The following CSRNP3 variants were observed in gnomAD, a reference collection of about 807,000 sequenced individuals.
CSRNP3 encodes the protein cysteine and serine rich nuclear protein 3.
A neutral mutation model predicts 48.0 loss-of-function variants in CSRNP3; 12 were observed. That is an observed-to-expected ratio of 0.25 (90% CI 0.16 to 0.41). The LOEUF is 0.41. Among genes scored for constraint, CSRNP3 ranks in the 10% least tolerant of loss-of-function variants. The pLI is 1.00. For missense variants in CSRNP3, 580 were observed against 724.4 expected (o/e 0.80, Z 2.29); for synonymous variants, 263 against 269.7 (o/e 0.98, Z 0.24).
chr2:165,642,033 A>C lies in CSRNP3; in HGVS notation c.149-15728A>C, dbSNP rs1686729191. Among the ~76,000 whole-genome samples the C allele has an allele frequency of 2.0e-5, 3 of 152,096 alleles. No homozygotes were observed. In the South Asian group the frequency reaches 6.2e-4, roughly 31 times the overall value. ...AGCCCATGTCATGAGAGTAGCACAG[A>C]TAAAAGACAAACATAGACTCTTTGG... On this transcript the variant is annotated intron_variant, in intron 4 of 6. Transcript: ENST00000651982.
At chr2:165,593,896 A>ACATGAT (rs1394323327) in intron 3 of CSRNP3, among the ~76,000 whole-genome samples, 1 of 152,224 alleles carries the variant, frequency 6.6e-6, no homozygotes, top group Non-Finnish European at 1.5e-5. Context: ...TTGAGCACCT[A>ACATGAT]CATGATGCCA....
In CSRNP3 at chr2:165,470,450, A is replaced by C. The variant is rs79342822; in HGVS notation, c.-283+710A>C. Among the ~76,000 whole-genome samples, 1,113 of 152,246 alleles carry C rather than the reference A, an allele frequency of 7.3e-3. 19 individuals are homozygous for C. Among genetic ancestry groups the C allele is most frequent in the African/African-American group, 0.026 (1,066 of 41,570 alleles). On this transcript the variant is annotated intron_variant, in intron 1 of 6. Coordinates refer to ENST00000651982, the MANE Select transcript of CSRNP3 (RefSeq NM_001172173.2). ...CACAGAAACCTAATTTTGAAAGATTAAACATTGCTGTAAAAAATAGCATCT... is the reference window on the plus strand; with the variant it reads ...CACAGAAACCTAATTTTGAAAGATTCAACATTGCTGTAAAAAATAGCATCT...
chr2:165,560,083 G>C (rs1685212998), intron 3 of CSRNP3, among the ~76,000 whole-genome samples: 1 of 152,206 alleles, frequency 6.6e-6, no homozygotes, highest in South Asian at 2.1e-4. Flanking sequence ...ACAGACGTGA[G>C]CCAATATTTT....
Position 165,518,689 on chromosome 2 carries a change from C to G in CSRNP3, c.-24+728C>G, listed in dbSNP as rs1039233983. 2.6e-5 allele frequency among the ~76,000 whole-genome samples: 4 copies of G among 151,974 alleles called. No individual in the cohort carries two copies. The South Asian group carries it at 8.3e-4, about 32-fold the overall frequency. ...TTTTTGATGTGTTTATATTGTGGGACCCAATATCAACTATTCATAATTTTA... is the reference window on the plus strand; with the variant it reads ...TTTTTGATGTGTTTATATTGTGGGAGCCAATATCAACTATTCATAATTTTA... On this transcript the variant is annotated intron_variant, in intron 3 of 6. Transcript: ENST00000651982.
rs1009268340 is a variant in CSRNP3 at position 165,680,754 on chromosome 2, C to T, written c.*1001C>T. 2 of 152,104 alleles carry T rather than the reference C, an allele frequency of 1.3e-5. No homozygotes were observed. The highest frequency in any genetic ancestry group is 3.2e-3 in the Middle Eastern group (1 of 316). 9.4% of individuals were successfully genotyped at this position (152,104 alleles called of 1,614,324 possible). The stretch of plus-strand genomic sequence containing the variant: ...GTTCATATAATTAATATAGAGGAAT[C>T]ATCCAATGATACTTATGAAGGGAAA... On this transcript the variant is annotated 3_prime_UTR_variant, in exon 7 of 7. Coordinates refer to ENST00000651982, the MANE Select transcript of CSRNP3 (RefSeq NM_001172173.2).
intron 3 of CSRNP3, among the ~76,000 whole-genome samples, chr2:165,555,884 A>G (rs1431865482): frequency 6.6e-6 from 1 of 152,172 alleles, no homozygotes; most frequent in Non-Finnish European, 1.5e-5. Flanking sequence ...ACAATATAGG[A>G]TATGATCAAA....
At chr2:165,635,199 G>C (rs747932447) in intron 4 of CSRNP3, among the ~76,000 whole-genome samples, 22 of 152,354 alleles carry the variant, frequency 1.4e-4, no homozygotes, top group African/African-American at 5.3e-4. Flanking sequence ...TGGGGTGCCC[G>C]TGAGGGCATC....
At chr2:165,522,409 T>C (rs1482963149) in intron 3 of CSRNP3, among the ~76,000 whole-genome samples, 1 of 152,166 alleles carries the variant, frequency 6.6e-6, no homozygotes, top group African/African-American at 2.4e-5. Flanking sequence ...TGTTTTTATT[T>C]TCCTTTTATT....
At chr2:165,646,913 A>T (rs551126291) in intron 4 of CSRNP3, among the ~76,000 whole-genome samples, 1 of 152,292 alleles carries the variant, frequency 6.6e-6, no homozygotes, top group Non-Finnish European at 1.5e-5. Context: ...ATAGGTTTAT[A>T]TATTTTGGAA....
intron 4 of CSRNP3, among the ~76,000 whole-genome samples, chr2:165,612,730 T>TCA (rs2105311347): frequency 6.6e-6 from 1 of 151,948 alleles, no homozygotes; most frequent in South Asian, 2.1e-4. Context: ...TCCTCCAGGT[T>TCA]CATTCATGTG....
chr2:165,584,553 TC>T (rs1490952544), intron 3 of CSRNP3, among the ~76,000 whole-genome samples: 1 of 152,136 alleles, frequency 6.6e-6, no homozygotes, highest in Non-Finnish European at 1.5e-5. Context: ...TTTTCTTCTA[TC>T]CCAACTCTAC....
At chr2:165,592,122 G>A (rs1307374683) in intron 3 of CSRNP3, among the ~76,000 whole-genome samples, 3 of 152,236 alleles carry the variant, frequency 2.0e-5, no homozygotes, top group Non-Finnish European at 4.4e-5. Context: ...GCATCAGCAT[G>A]CCCTGGATGT....
At chr2:165,569,635 C>T (rs183909123) in intron 3 of CSRNP3, among the ~76,000 whole-genome samples, 22 of 151,962 alleles carry the variant, frequency 1.4e-4, no homozygotes, top group African/African-American at 4.8e-4. Context: ...CTTCTTAAAG[C>T]TATGATCTTG....
intron 3 of CSRNP3, among the ~76,000 whole-genome samples, chr2:165,525,829 A>G (rs751213670): frequency 2.0e-5 from 3 of 152,050 alleles, no homozygotes; most frequent in East Asian, 1.9e-4. Flanking sequence ...CAAGGTCACA[A>G]TGATTTTCAA....
chr2:165,681,740 T>TATATATATATATATATATATAC lies in CSRNP3; in HGVS notation c.*1989_*2010dup, dbSNP rs1326512704. 6 of 85,802 alleles carry TATATATATATATATATATATAC rather than the reference T, an allele frequency of 7.0e-5. No homozygotes were observed. Among genetic ancestry groups the TATATATATATATATATATATAC allele is most frequent in the Non-Finnish European group, 1.6e-4 (6 of 37,510 alleles). The allele number at this position is 85,802 out of a possible 1,614,324, so 5.3% of individuals were successfully genotyped here. A position where few individuals can be genotyped will look rare whatever the true frequency, so the allele number is the denominator to read the frequency against. The stretch of plus-strand genomic sequence containing the variant: ...TCTCAAATATACATATATATATATA[T>TATATATATATATATATATATAC]ATATATATATATATATATATACACA... On this transcript the variant is annotated 3_prime_UTR_variant, in exon 7 of 7. Coordinates refer to ENST00000651982, the MANE Select transcript of CSRNP3 (RefSeq NM_001172173.2).
intron 4 of CSRNP3, among the ~76,000 whole-genome samples, chr2:165,608,076 T>C (rs1686061216): frequency 6.6e-6 from 1 of 150,762 alleles, no homozygotes; most frequent in African/African-American, 2.4e-5. Context: ...CCCACGTATA[T>C]ATATATTATA....
intron 4 of CSRNP3, among the ~76,000 whole-genome samples, chr2:165,654,724 G>A (rs1686973620): frequency 6.6e-6 from 1 of 152,178 alleles, no homozygotes. Context: ...CCACCTCTCA[G>A]GTTCCAGCAA....
At chr2:165,505,591 C>T (rs955389282) in intron 2 of CSRNP3, among the ~76,000 whole-genome samples, 1 of 152,150 alleles carries the variant, frequency 6.6e-6, no homozygotes, top group African/African-American at 2.4e-5. Context: ...TGGCATTAAT[C>T]TGCATTCTTT....
chr2:165,564,278 CA>C lies in CSRNP3; in HGVS notation c.-23-30764del, dbSNP rs35140617. Among the ~76,000 whole-genome samples the C allele has an allele frequency of 5.4e-3, 820 of 151,690 alleles. 7 individuals carry two copies. Among genetic ancestry groups the C allele is most frequent in the African/African-American group, 0.019 (790 of 41,368 alleles). The stretch of plus-strand genomic sequence containing the variant: ...TTTCCTTGATATCTAAAAGCTTAAA[CA>C]TAACAGCAGTTGCAATTATTTAAAC... On this transcript the variant is annotated intron_variant, in intron 3 of 6. Coordinates refer to ENST00000651982, the MANE Select transcript of CSRNP3 (RefSeq NM_001172173.2).
Sources: allele counts gnomAD v4.1 joint callset (sites outside exome capture counted in the v4.1 genomes callset), GRCh38; gene constraint gnomAD v4.1.1; transcripts MANE v1.5; gene names NCBI Gene and HGNC (gene_info 2026-07-23, HGNC 2026-07-21).